Variants in GRIP1 observed in about 807,000 individuals in gnomAD.
GRIP1 encodes the protein glutamate receptor-interacting protein 1.
A neutral mutation model predicts 129.9 loss-of-function variants in GRIP1; 45 were observed. The observed-to-expected ratio is 0.35, with a 90% CI of 0.27 to 0.44. The LOEUF (loss-of-function observed/expected upper bound fraction) is 0.44. GRIP1 is among the 20% of genes least tolerant of loss of function. GRIP1 has a pLI of 1.00. For missense variants in GRIP1, 1,196 were observed against 1,396.8 expected (o/e 0.86, Z 2.29); for synonymous variants, 530 against 520.8 (o/e 1.02, Z -0.24).
At chr12:66,409,856 A>G (rs2057323402) in intron 15 of GRIP1, among the ~76,000 whole-genome samples, 1 of 152,244 alleles carries the variant, frequency 6.6e-6, no homozygotes, top group South Asian at 2.1e-4. Flanking sequence ...AGATTAAAAT[A>G]ATTTTAAAAA....
rs146639979 is a variant in GRIP1, at chr12:66,924,419, A to G, written c.58+144631T>C. Among the ~76,000 whole-genome samples, 261 of 152,324 alleles carry G rather than the reference A, an allele frequency of 1.7e-3. 1 individual carries two copies. Among genetic ancestry groups the G allele is most frequent in the African/African-American group, 5.8e-3 (242 of 41,582 alleles). On this transcript the variant is annotated intron_variant, in intron 1 of 1. Transcript: ENST00000643019. ...ATATGTTGGGGCCCATGCTGCAGGT[A>G]GAGAGACAGAGATGTGTCTGTGCAA...
chr12:66,942,668 T>G (rs978594722), intron 1 of GRIP1, among the ~76,000 whole-genome samples: 14 of 152,134 alleles, frequency 9.2e-5, no homozygotes, highest in African/African-American at 3.4e-4. Flanking sequence ...CAATTGTAAG[T>G]GGTGCATTGT....
chr12:66,441,469 C>T (rs771894786), intron 13 of GRIP1, among the ~76,000 whole-genome samples: 1 of 152,116 alleles, frequency 6.6e-6, no homozygotes, highest in African/African-American at 2.4e-5. Context: ...GTCTTGCTAT[C>T]CAGCCCAGAC....
chr12:66,751,848 A>C (rs1465816853), intron 1 of GRIP1, among the ~76,000 whole-genome samples: 1 of 152,218 alleles, frequency 6.6e-6, no homozygotes, highest in South Asian at 2.1e-4. Context: ...TGCTGACAAC[A>C]TGTGTCACAA....
At chr12:66,485,492 TG>T (rs1241786534) in intron 7 of GRIP1, among the ~76,000 whole-genome samples, 1 of 151,852 alleles carries the variant, frequency 6.6e-6, no homozygotes, top group Non-Finnish European at 1.5e-5. Flanking sequence ...GAGTCATTGT[TG>T]GATATGTGAT....
chr12:66,742,478 A>T (rs1315975114), intron 1 of GRIP1, among the ~76,000 whole-genome samples: 1 of 152,184 alleles, frequency 6.6e-6, no homozygotes, highest in Non-Finnish European at 1.5e-5. Flanking sequence ...CAGGAAGGTG[A>T]TTATAAAGTC....
At chr12:66,761,082 A>G (rs1566008197) in intron 1 of GRIP1, among the ~76,000 whole-genome samples, 1 of 152,008 alleles carries the variant, frequency 6.6e-6, no homozygotes, top group African/African-American at 2.4e-5. Flanking sequence ...TTTGTACATC[A>G]TGAGCACAAT....
intron 7 of GRIP1, among the ~76,000 whole-genome samples, chr12:66,476,998 A>G (rs1239129741): frequency 6.6e-6 from 1 of 152,216 alleles, no homozygotes; most frequent in Admixed American, 6.5e-5. Flanking sequence ...CACCACTCCT[A>G]TTCAACATAG....
At chr12:66,972,768 G>A (rs967481615) in intron 1 of GRIP1, among the ~76,000 whole-genome samples, 3 of 152,066 alleles carry the variant, frequency 2.0e-5, no homozygotes, top group Admixed American at 6.5e-5. Flanking sequence ...TCTTACTAAT[G>A]CATTCTAATT....
chr12:66,883,175 A>T (rs978873202), intron 1 of GRIP1, among the ~76,000 whole-genome samples: 1 of 151,668 alleles, frequency 6.6e-6, no homozygotes, highest in Non-Finnish European at 1.5e-5. Context: ...CCACATGAAA[A>T]CCCATAATGC....
At chr12:66,386,810 C>A (rs563426103) in intron 19 of GRIP1, among the ~76,000 whole-genome samples, 108 of 152,228 alleles carry the variant, frequency 7.1e-4, no homozygotes, top group Middle Eastern at 3.4e-3. Context: ...ATGAGAAAAT[C>A]AAATCATATG....
chr12:66,689,049 G>A (rs1443384908), intron 1 of GRIP1, among the ~76,000 whole-genome samples: 1 of 152,116 alleles, frequency 6.6e-6, no homozygotes, highest in East Asian at 1.9e-4. Flanking sequence ...GCTACTAGAG[G>A]GCAGCAAAGG....
intron 1 of GRIP1, among the ~76,000 whole-genome samples, chr12:66,621,631 T>A (rs2065271536): frequency 6.6e-6 from 1 of 152,150 alleles, no homozygotes; most frequent in South Asian, 2.1e-4. Flanking sequence ...GAATTGTGGA[T>A]CATATGTTAA....
At position 66,771,596 on chromosome 12, in the gene GRIP1, C is replaced by T. The variant is rs375511290; in HGVS notation, c.-420+32457G>A. 9.9e-5 allele frequency among the ~76,000 whole-genome samples: 15 copies of T among 152,032 alleles called. No homozygotes were observed. In the East Asian group the frequency reaches 1.7e-3, roughly 18 times the overall value. Reference sequence around the variant, plus strand: ...GGAGATAATTTACTTTTGGTCAATCCCAGCGCAGAGAGGTCCCCAGGAATG... The same window carrying T: ...GGAGATAATTTACTTTTGGTCAATCTCAGCGCAGAGAGGTCCCCAGGAATG... On this transcript the variant is annotated intron_variant, in intron 1 of 4. Coordinates refer to the GRIP1 transcript ENST00000538373.
chr12:66,389,872 TC>T (rs2056514228), intron 19 of GRIP1, among the ~76,000 whole-genome samples: 1 of 152,138 alleles, frequency 6.6e-6, no homozygotes, highest in African/African-American at 2.4e-5. Context: ...ATACAGATAC[TC>T]GTCAGTAAAT....
At chr12:66,968,406 T>G (rs2042026906) in intron 1 of GRIP1, among the ~76,000 whole-genome samples, 5 of 152,124 alleles carry the variant, frequency 3.3e-5, no homozygotes, top group African/African-American at 1.2e-4. Flanking sequence ...TTTATATATT[T>G]TTTTCTTATT....
At chr12:67,042,293 T>C (rs1371539346) in intron 1 of GRIP1, among the ~76,000 whole-genome samples, 5 of 152,158 alleles carry the variant, frequency 3.3e-5, no homozygotes, top group Non-Finnish European at 1.5e-5. Context: ...ACTAAGACAA[T>C]TGCCTACTGA....
At chr12:66,771,755 G>C (rs886624733) in intron 1 of GRIP1, among the ~76,000 whole-genome samples, 1 of 152,188 alleles carries the variant, frequency 6.6e-6, no homozygotes, top group Non-Finnish European at 1.5e-5. Flanking sequence ...CTTTAAGCCT[G>C]TAATGAATAA....
At chr12:66,822,307 CT>C (rs1399359901) in intron 1 of GRIP1, among the ~76,000 whole-genome samples, 1 of 152,110 alleles carries the variant, frequency 6.6e-6, no homozygotes, top group Non-Finnish European at 1.5e-5. Context: ...CATGCCATTC[CT>C]TTTATAAAGC....
Sources: gnomAD v4.1 joint callset for allele counts (sites outside exome capture counted in the v4.1 genomes callset) on GRCh38, gnomAD v4.1.1 for gene constraint, MANE v1.5 for transcripts, NCBI Gene and HGNC (gene_info 2026-07-23, HGNC 2026-07-21) for gene names.